The following RIF1 variants were observed in gnomAD, a reference collection of about 807,000 sequenced individuals.
The protein encoded by RIF1 is telomere-associated protein RIF1.
RIF1 carries 45 observed loss-of-function variants against 247.1 expected under a neutral mutation model. That is an observed-to-expected ratio of 0.18 (90% confidence interval 0.14 to 0.23). RIF1 has a LOEUF of 0.23. RIF1 is among the 10% of genes least tolerant of loss of function. The pLI is 1.00. For synonymous variants in RIF1, 1,087 were observed against 978.8 expected (o/e 1.11, Z -2.06); for missense variants, 2,967 against 2,862.5 (o/e 1.04, Z -0.83).
Position 151,464,376 on chromosome 2 carries a change from G to A in RIF1, c.4856G>A (p.Cys1619Tyr), listed in dbSNP as rs1284830945. Residue 1619 changes from cysteine (C) to tyrosine (Y), a missense_variant, in exon 30 of 36, where the codon TGC becomes TAC. Physicochemically the swap from Cys to Tyr is radical, Grantham distance 194. Coordinates refer to ENST00000444746, the MANE Select transcript of RIF1 (RefSeq NM_018151.5). ...GATGTAAGCATAAAATCTCCGATTT[G>A]CGAAAAACAAGATGAAAGTAATACT... is the stretch of plus-strand genomic sequence containing the variant. ...EEDVSIKSPICEKQDESNTVI... is the reference protein window; with the variant it reads ...EEDVSIKSPIYEKQDESNTVI... 1.9e-6 allele frequency: 3 copies of A among 1,609,656 alleles called. No homozygotes were observed. In the African/African-American group the frequency reaches 4.0e-5, roughly 22 times the overall value.
At chr2:151,466,204 A>C in intron 30 of RIF1, 84 bp downstream of exon 30, 1 of 713,988 alleles carries the variant, frequency 1.4e-6, no homozygotes, top group Non-Finnish European at 2.4e-6. Flanking sequence ...GTGAATGACA[A>C]AATATTACAA....
At chr2:151,472,813 G>A (rs960531626) in intron 34 of RIF1, among the ~76,000 whole-genome samples, 13 of 152,168 alleles carry the variant, frequency 8.5e-5, no homozygotes, top group Non-Finnish European at 1.6e-4. Flanking sequence ...GTTCATCAAG[G>A]ATATTGGTCT....
At chr2:151,525,407 A>G in the RIF1 span, 1 of 650,214 alleles carries the variant, frequency 1.5e-6, no homozygotes, top group Non-Finnish European at 2.7e-6. Context: ...GATAAGACCC[A>G]TATTCTAGTT....
At position 151,477,002 on chromosome 2, in the gene RIF1, C is replaced by CA. The variant is rs2048961294; in HGVS notation, c.*1934dup. ...GAACAGTAATAGCAGAAAATGTGAC[C>CA]AAATGAGTATCATGTACTTAAATCA... On this transcript the variant is annotated 3_prime_UTR_variant, in exon 36 of 36. Transcript: ENST00000444746. 1 of 152,118 alleles carries CA rather than the reference C, an allele frequency of 6.6e-6. No homozygotes were observed. The highest frequency in any genetic ancestry group is 6.5e-5 in the Admixed American group (1 of 15,276). 9.4% of individuals were successfully genotyped at this position (152,118 alleles called of 1,614,324 possible). A position where few individuals can be genotyped will look rare whatever the true frequency, so the allele number is the denominator to read the frequency against.
At chr2:151,530,427 T>C in the RIF1 span, among the ~76,000 whole-genome samples, 39 of 152,212 alleles carry the variant, frequency 2.6e-4, no homozygotes, top group East Asian at 7.3e-3. Context: ...TGGGGAAGGA[T>C]CCTAGGTTTT....
rs987410092 is a variant in RIF1, at chr2:151,476,227, C to T, written c.*1156C>T. ...TTGGACTACAAAATCTAGAGTTGAT[C>T]TGCTTTTTAAACCTTCATTTAAAAG... On this transcript the variant is annotated 3_prime_UTR_variant, in exon 36 of 36. Coordinates refer to ENST00000444746, the MANE Select transcript of RIF1 (RefSeq NM_018151.5). 2 of 152,150 alleles carry T rather than the reference C, an allele frequency of 1.3e-5. No individual in the cohort carries two copies. The highest frequency in any genetic ancestry group is 6.3e-3 in the Middle Eastern group (2 of 316). 9.4% of individuals were successfully genotyped at this position (152,150 alleles called of 1,614,324 possible).
chr2:151,464,265 T>A lies in RIF1; in HGVS notation c.4745T>A (p.Ile1582Asn), dbSNP rs1279500865. 6.2e-7 allele frequency: 1 copy of A among 1,613,926 alleles called. No homozygotes were observed. Among genetic ancestry groups the A allele is most frequent in the Non-Finnish European group, 8.5e-7 (1 of 1,179,976 alleles). Residue 1582 changes from isoleucine (I) to asparagine (N), a missense_variant, in exon 30 of 36, where the codon ATT becomes AAT. Ile to Asn is a moderately radical substitution (Grantham distance 149). This residue lies in a region of RIF1 where 2,028 missense variants were observed against 1,825.6 expected (regional missense o/e 1.11). Coordinates refer to ENST00000444746, the MANE Select transcript of RIF1 (RefSeq NM_018151.5). ...AACAAAAGCAATGAAAGTGTTGACA[T>A]TCAAGATCAAGAAGAGAAAGTGGTG... ...WKNKSNESVDIQDQEEKVVKQ... is the reference protein window; with the variant it reads ...WKNKSNESVDNQDQEEKVVKQ...
Position 151,464,829 on chromosome 2 carries a change from C to CT in RIF1, c.5310dup (p.Val1771CysfsTer10), listed in dbSNP as rs748226562. 6.2e-7 allele frequency: 1 copy of CT among 1,611,774 alleles called. No homozygotes were observed. Among genetic ancestry groups the CT allele is most frequent in the Non-Finnish European group, 8.5e-7 (1 of 1,179,464 alleles). The stretch of plus-strand genomic sequence containing the variant: ...ACAAAAAAGGCAGATGTGCAAGCAC[C>CT]TGTAAGCCCATCAGAAACTTCTCAA... On this transcript the variant is annotated frameshift_variant, in exon 30 of 36. Coordinates refer to ENST00000444746, the MANE Select transcript of RIF1 (RefSeq NM_018151.5). LOFTEE classifies it high-confidence loss of function.
the RIF1 span, chr2:151,527,392 C>G: frequency 1.8e-6 from 2 of 1,086,830 alleles, no homozygotes; most frequent in Non-Finnish European, 2.7e-6. Context: ...AGGGTTAACA[C>G]TCATGATAGT....
intron 11 of RIF1, chr2:151,502,839 G>GTGA: frequency 3.1e-6 from 5 of 1,609,410 alleles, no homozygotes; most frequent in Non-Finnish European, 4.2e-6. Flanking sequence ...CATCTCTGGA[G>GTGA]TGATAGGTGT....
chr2:151,506,861 G>GT, intron 13 of RIF1: 1 of 1,212,952 alleles, frequency 8.2e-7, no homozygotes, highest in Admixed American at 1.7e-5. Flanking sequence ...AAAGAGGAGA[G>GT]TGAAATGACT....
chr2:151,485,748 G>A (rs781148078), downstream of RIF1: 2 of 1,598,854 alleles, frequency 1.3e-6, no homozygotes, highest in Admixed American at 3.4e-5. Flanking sequence ...CAAGTGTGAT[G>A]CTTTGAAATG....
At chr2:151,517,414 C>T in the RIF1 span, among the ~76,000 whole-genome samples, 3 of 152,156 alleles carry the variant, frequency 2.0e-5, no homozygotes, top group Admixed American at 2.0e-4. Flanking sequence ...ATAGTTAGTC[C>T]TCATGGTTAA....
Position 151,462,988 on chromosome 2 carries a change from T to C in RIF1, c.3468T>C (p.Gly1156=), listed in dbSNP as rs1345967270. The C allele has an allele frequency of 6.2e-7, 1 of 1,614,040 alleles. No individual in the cohort carries two copies. ...EKSSLSNNEC[G]SLDKTSPEMS... is the part of the protein sequence containing the mutation. Reference sequence around the variant, plus strand: ...CCTCCCTTTCGAATAATGAGTGTGGTTCTCTTGACAAAACCAGTCCAGAAA... The same window carrying C: ...CCTCCCTTTCGAATAATGAGTGTGGCTCTCTTGACAAAACCAGTCCAGAAA... The change falls in exon 30 of 36, where the codon GGT becomes GGC. Residue 1156 remains glycine, a synonymous_variant. Transcript: ENST00000444746.
chr2:151,505,570 C>T (rs1320930191), intron 12 of RIF1: 2 of 1,610,584 alleles, frequency 1.2e-6, no homozygotes, highest in Non-Finnish European at 1.7e-6. Context: ...TTATACTTCA[C>T]CTGCAGATTT....
intron 3 of RIF1, among the ~76,000 whole-genome samples, chr2:151,412,934 A>G (rs751454368): frequency 6.6e-6 from 1 of 152,128 alleles, no homozygotes; most frequent in Non-Finnish European, 1.5e-5. Context: ...TAGTTACTTA[A>G]TATCAGTGTT....
At chr2:151,500,972 CTA>C (rs1208984495) in intron 11 of RIF1, among the ~76,000 whole-genome samples, 1 of 152,054 alleles carries the variant, frequency 6.6e-6, no homozygotes, top group Non-Finnish European at 1.5e-5. Context: ...TGAATAGGGT[CTA>C]TGTTAAGATG....
intron 21 of RIF1, among the ~76,000 whole-genome samples, chr2:151,451,961 A>C (rs767910983): frequency 2.0e-5 from 3 of 152,230 alleles, no homozygotes; most frequent in African/African-American, 7.2e-5. Flanking sequence ...AGAAAGATAA[A>C]TACTATTCTA....
chr2:151,443,184 C>T, intron 16 of RIF1, 75 bp from the exon 17 acceptor site: 1 of 946,602 alleles, frequency 1.1e-6, no homozygotes, highest in Non-Finnish European at 1.6e-6. Flanking sequence ...AATTTTATTT[C>T]TTAAATAACC....
Sources: gnomAD v4.1 joint callset for allele counts (sites outside exome capture counted in the v4.1 genomes callset) on GRCh38, gnomAD v4.1.1 for gene constraint, gnomAD v4.1.1 regional missense constraint, MANE v1.5 for transcripts, NCBI Gene and HGNC (gene_info 2026-07-23, HGNC 2026-07-21) for gene names.